The following PPIP5K2 variants were observed in gnomAD, a reference collection of about 807,000 sequenced individuals.
The protein encoded by PPIP5K2 is inositol hexakisphosphate and diphosphoinositol-pentakisphosphate kinase 2.
PPIP5K2 carries 105 observed loss-of-function variants against 154.6 expected under a neutral mutation model. That is an observed-to-expected ratio of 0.68 (90% CI 0.58 to 0.80). PPIP5K2 has a LOEUF of 0.80. PPIP5K2 is among the 30% of genes least tolerant of loss of function. The probability of loss-of-function intolerance (pLI) is 0.00; values close to 1 mark genes in which losing one functional copy is unlikely to be tolerated. For synonymous variants in PPIP5K2, 480 were observed against 490.3 expected, an observed-to-expected ratio of 0.98 and a Z score of 0.28; for missense variants, 992 against 1,504.6, an observed-to-expected ratio of 0.66 and a Z score of 5.64.
intron 30 of PPIP5K2, among the ~76,000 whole-genome samples, chr5:103,196,531 A>G (rs1330901860): frequency 2.0e-5 from 3 of 152,164 alleles, no homozygotes; most frequent in Non-Finnish European, 4.4e-5. Flanking sequence ...AGTTCTCACC[A>G]TAACCTTTAG....
chr5:103,120,550 C>T lies in PPIP5K2; in HGVS notation c.-285+62C>T, dbSNP rs26523. On this transcript the variant is annotated intron_variant, in intron 1 of 30. Coordinates refer to ENST00000358359, the MANE Select transcript of PPIP5K2 (RefSeq NM_001276277.3). ...GAACCTGATCATGCCAGGGTTGAGGCGGCTGCTGGGCTTCTGCTTTGTCTC... is the reference window on the plus strand; with the variant it reads ...GAACCTGATCATGCCAGGGTTGAGGTGGCTGCTGGGCTTCTGCTTTGTCTC... The T allele has an allele frequency of 0.25, 112,550 of 455,918 alleles. 15,707 individuals are homozygous for T. Among genetic ancestry groups the T allele is most frequent in the East Asian group, 0.45 (6,410 of 14,318 alleles). 28.2% of individuals were successfully genotyped at this position (455,918 alleles called of 1,614,324 possible).
At chr5:103,130,967 A>G (rs1297980057) in intron 2 of PPIP5K2, among the ~76,000 whole-genome samples, 1 of 151,916 alleles carries the variant, frequency 6.6e-6, no homozygotes, top group Non-Finnish European at 1.5e-5. Context: ...TTATTTCCAC[A>G]TATTTATTGT....
Position 103,159,316 on chromosome 5 carries a change from A to C in PPIP5K2, c.1908A>C (p.Glu636Asp). Reference protein sequence around the residue: ...ILQKDRDFTAEDYEKLTPSGS... With the variant: ...ILQKDRDFTADDYEKLTPSGS... ...AGAAAGACAGAGATTTTACTGCTGA[A>C]GATTATGAAAAGGTGGGTCTTAGCA... Residue 636 changes from glutamate to aspartate, a missense_variant, in exon 17 of 31, where the codon GAA (glutamate) becomes GAC (aspartate). Glu to Asp is a conservative substitution (Grantham distance 45, BLOSUM62 2). Coordinates refer to ENST00000358359, the MANE Select transcript of PPIP5K2 (RefSeq NM_001276277.3). The C allele has an allele frequency of 6.2e-7, 1 of 1,605,540 alleles. No individual in the cohort carries two copies. The highest frequency in any genetic ancestry group is 8.5e-7 in the Non-Finnish European group (1 of 1,177,356).
At chr5:103,173,305 TA>T (rs782788536) in intron 20 of PPIP5K2, 23 bp downstream of exon 20, 1 of 1,592,884 alleles carries the variant, frequency 6.3e-7, no homozygotes, top group South Asian at 1.1e-5. Flanking sequence ...ACTGGTTATT[TA>T]AATCTCTAGG....
intron 14 of PPIP5K2, among the ~76,000 whole-genome samples, chr5:103,157,639 G>A (rs564861563): frequency 4.6e-5 from 7 of 151,068 alleles, no homozygotes; most frequent in South Asian, 2.1e-4. Context: ...TTAGCCAGGC[G>A]CCTGTAGAGC....
chr5:103,124,263 A>T (rs1789257863), intron 1 of PPIP5K2, among the ~76,000 whole-genome samples: 1 of 142,956 alleles, frequency 7.0e-6, no homozygotes, highest in African/African-American at 2.8e-5. Context: ...CTGGGGACAG[A>T]GCGAGACTCC....
intron 17 of PPIP5K2, among the ~76,000 whole-genome samples, chr5:103,166,695 T>C (rs1426105999): frequency 1.3e-5 from 2 of 152,030 alleles, no homozygotes; most frequent in Non-Finnish European, 1.5e-5. Flanking sequence ...ATATGTATTA[T>C]ATGCTCTAGT....
intron 20 of PPIP5K2, 132 bp from the exon 21 acceptor site, chr5:103,173,726 T>C: frequency 1.5e-6 from 1 of 671,198 alleles, no homozygotes; most frequent in South Asian, 1.8e-5. Flanking sequence ...TCTATTGTGG[T>C]TGGAAGAATA....
chr5:103,179,949 A>G, intron 23 of PPIP5K2, 72 bp from the exon 24 acceptor site: 3 of 1,253,324 alleles, frequency 2.4e-6, no homozygotes, highest in Non-Finnish European at 3.2e-6. Flanking sequence ...TACCAGTGGT[A>G]GTTGAATCTG....
Position 103,158,250 on chromosome 5 carries a change from G to T in PPIP5K2, c.1552G>T (p.Ala518Ser). 1 of 1,614,090 alleles carries T rather than the reference G, an allele frequency of 6.2e-7. No individual in the cohort carries two copies. Among genetic ancestry groups the T allele is most frequent in the Non-Finnish European group, 8.5e-7 (1 of 1,179,952 alleles). ...AAAATGGGGAGGTGAATTAACTCCT[G>T]CAGGCAGGGTCCAGGCTGAAGAACT... Reference protein sequence around the residue: ...VLKWGGELTPAGRVQAEELGR... With the variant: ...VLKWGGELTPSGRVQAEELGR... The change falls in exon 15 of 31, where the codon GCA becomes TCA. Residue 518 changes from alanine (A) to serine (S), a missense_variant. Ala to Ser is a moderately conservative substitution (Grantham distance 99). This residue lies in a region of PPIP5K2 where 163 missense variants were observed against 285.2 expected (regional missense o/e 0.57). Transcript: ENST00000358359.
intron 8 of PPIP5K2, 27 bp downstream of exon 8, chr5:103,149,340 C>T: frequency 6.4e-7 from 1 of 1,567,530 alleles, no homozygotes. Flanking sequence ...GCCTATAGAT[C>T]CTTATAAAGG....
chr5:103,193,229 C>A (rs1480249037), intron 29 of PPIP5K2, among the ~76,000 whole-genome samples: 1 of 151,884 alleles, frequency 6.6e-6, no homozygotes, highest in Non-Finnish European at 1.5e-5. Flanking sequence ...AAATAGGGTG[C>A]CAGTTATGAT....
At chr5:103,197,799 A>T (rs1475196826) in intron 30 of PPIP5K2, among the ~76,000 whole-genome samples, 1 of 151,606 alleles carries the variant, frequency 6.6e-6, no homozygotes, top group Non-Finnish European at 1.5e-5. Flanking sequence ...GCTGGTCTCG[A>T]ACTCCTGACC....
intron 4 of PPIP5K2, 147 bp downstream of exon 4, chr5:103,136,969 A>G: frequency 1.5e-6 from 1 of 645,452 alleles, no homozygotes; most frequent in Non-Finnish European, 2.7e-6. Flanking sequence ...TTATTACCTA[A>G]TTTTACAGAT....
At chr5:103,130,006 G>T (rs1790352735) in intron 2 of PPIP5K2, among the ~76,000 whole-genome samples, 1 of 152,132 alleles carries the variant, frequency 6.6e-6, no homozygotes, top group African/African-American at 2.4e-5. Flanking sequence ...TTTCTTGTAT[G>T]TAGAAATACA....
chr5:103,164,615 C>T (rs575480308), intron 17 of PPIP5K2, among the ~76,000 whole-genome samples: 1 of 152,040 alleles, frequency 6.6e-6, no homozygotes, highest in Admixed American at 6.6e-5. Context: ...GATCACTGAC[C>T]TTTGAGTTTT....
In PPIP5K2 at chr5:103,206,725, A is replaced by G. The variant is rs1255330113; in HGVS notation, c.*5091A>G. The G allele has an allele frequency of 3.9e-5, 6 of 152,214 alleles. No individual in the cohort carries two copies. Among genetic ancestry groups the G allele is most frequent in the African/African-American group, 1.4e-4 (6 of 41,444 alleles). 9.4% of individuals were successfully genotyped at this position (152,214 alleles called of 1,614,324 possible). A position where few individuals can be genotyped will look rare whatever the true frequency, so the allele number is the denominator to read the frequency against. On this transcript the variant is annotated 3_prime_UTR_variant, in exon 31 of 31. Transcript: ENST00000358359. Reference sequence around the variant, plus strand: ...ATAAAATTATAAGCAAGAGACCAAAAAGGAAAGTAGGGCCAGCTCCTTGTT... The same window carrying G: ...ATAAAATTATAAGCAAGAGACCAAAGAGGAAAGTAGGGCCAGCTCCTTGTT...
At chr5:103,184,866 C>A in intron 26 of PPIP5K2, 122 bp downstream of exon 26, 1 of 627,496 alleles carries the variant, frequency 1.6e-6, no homozygotes, top group Non-Finnish European at 2.7e-6. Context: ...TTAATGTGTA[C>A]TAATTCAGAA....
chr5:103,158,232 G>A lies in PPIP5K2; in HGVS notation c.1534G>A (p.Gly512Arg), dbSNP rs150861233. Residue 512 changes from glycine (G) to arginine (R), a missense_variant, in exon 15 of 31, where the codon GGA becomes AGA. This residue lies in a region of PPIP5K2 where 163 missense variants were observed against 285.2 expected (regional missense o/e 0.57). Coordinates refer to ENST00000358359, the MANE Select transcript of PPIP5K2 (RefSeq NM_001276277.3). ...ATCTTTACTTTTGGTTCTAAAATGGGGAGGTGAATTAACTCCTGCAGGCAG... is the reference window on the plus strand; with the variant it reads ...ATCTTTACTTTTGGTTCTAAAATGGAGAGGTGAATTAACTCCTGCAGGCAG... The part of the protein sequence containing the change: ...EPSLLLVLKW[G>R]GELTPAGRVQ... 7 of 1,613,948 alleles carry A rather than the reference G, an allele frequency of 4.3e-6. No homozygotes were observed. The highest frequency in any genetic ancestry group is 5.9e-6 in the Non-Finnish European group (7 of 1,179,868).
Sources: gnomAD v4.1 joint callset for allele counts (sites outside exome capture counted in the v4.1 genomes callset) on GRCh38, gnomAD v4.1.1 for gene constraint, gnomAD v4.1.1 regional missense constraint, MANE v1.5 for transcripts, NCBI Gene and HGNC (gene_info 2026-07-23, HGNC 2026-07-21) for gene names.